The following TPRG1 variants were observed in gnomAD, a reference collection of about 807,000 sequenced individuals.
TPRG1 encodes the protein tumor protein p63-regulated gene 1 protein.
A neutral mutation model predicts 29.3 loss-of-function variants in TPRG1; 29 were observed. That is an observed-to-expected ratio of 0.99 (90% CI 0.74 to 1.35). The LOEUF (loss-of-function observed/expected upper bound fraction) is 1.35, where lower values mean the gene tolerates loss of function less well. Ranked by LOEUF, TPRG1 falls within the 40% of genes most tolerant of loss-of-function variation. The pLI is 0.00. For synonymous variants in TPRG1, 130 were observed against 116.8 expected (o/e 1.11, Z -0.73); for missense variants, 327 against 335.0 (o/e 0.98, Z 0.19).
chr3:189,302,316 G>A (rs1201263559), intron 4 of TPRG1, among the ~76,000 whole-genome samples: 2 of 152,174 alleles, frequency 1.3e-5, no homozygotes, highest in South Asian at 2.1e-4. Flanking sequence ...AACTATGAGA[G>A]ATTGTTCCTT....
chr3:189,001,340 CA>C (rs532936160), intron 2 of TPRG1, among the ~76,000 whole-genome samples: 1 of 152,144 alleles, frequency 6.6e-6, no homozygotes, highest in Non-Finnish European at 1.5e-5. Context: ...GAGCTGCTAA[CA>C]AAATCCCATA....
intron 3 of TPRG1, among the ~76,000 whole-genome samples, chr3:189,233,044 T>A (rs557779445): frequency 6.6e-6 from 1 of 152,278 alleles, no homozygotes; most frequent in South Asian, 2.1e-4. Context: ...TGATTCCTTG[T>A]TAGCCAAGAT....
intron 4 of TPRG1, among the ~76,000 whole-genome samples, chr3:189,068,720 G>T (rs1560425076): frequency 6.6e-6 from 1 of 152,144 alleles, no homozygotes; most frequent in Non-Finnish European, 1.5e-5. Flanking sequence ...AGGTTGCGGT[G>T]AGCCGAGATT....
At chr3:189,134,076 A>G (rs1723428408) in intron 3 of TPRG1, among the ~76,000 whole-genome samples, 1 of 152,022 alleles carries the variant, frequency 6.6e-6, no homozygotes, top group Admixed American at 6.6e-5. Context: ...GTTTCTTTCC[A>G]TTGTATGGTT....
chr3:189,044,149 G>A (rs1214225941), intron 4 of TPRG1, among the ~76,000 whole-genome samples: 4 of 152,030 alleles, frequency 2.6e-5, no homozygotes, highest in African/African-American at 4.8e-5. Flanking sequence ...GAGAGAGAGA[G>A]AAAAGACCTG....
chr3:189,292,292 C>CTTTTTTTT (rs11459415), intron 4 of TPRG1, among the ~76,000 whole-genome samples: 2 of 114,904 alleles, frequency 1.7e-5, no homozygotes, highest in African/African-American at 3.4e-5. Flanking sequence ...GAAGTTTTTG[C>CTTTTTTTT]TTTTTTTTTT....
At chr3:189,015,164 G>A (rs1375322173) in intron 3 of TPRG1, among the ~76,000 whole-genome samples, 1 of 152,204 alleles carries the variant, frequency 6.6e-6, no homozygotes, top group Non-Finnish European at 1.5e-5. Context: ...TGGAGTAAAT[G>A]TTATTCTTGC....
intron 1 of TPRG1, among the ~76,000 whole-genome samples, chr3:189,114,108 T>G (rs1476704613): frequency 6.6e-6 from 1 of 152,132 alleles, no homozygotes; most frequent in Admixed American, 6.5e-5. Flanking sequence ...CCTTATTACA[T>G]GAGGGAGCTT....
At chr3:189,187,919 A>T (rs1183695563) in intron 1 of TPRG1, among the ~76,000 whole-genome samples, 1 of 152,216 alleles carries the variant, frequency 6.6e-6, no homozygotes, top group Non-Finnish European at 1.5e-5. Flanking sequence ...GTAGTGAATA[A>T]TCTTGATATA....
At chr3:189,024,620 C>T (rs1204654849) in intron 4 of TPRG1, among the ~76,000 whole-genome samples, 1 of 152,164 alleles carries the variant, frequency 6.6e-6, no homozygotes, top group African/African-American at 2.4e-5. Flanking sequence ...AGCCTGCAGT[C>T]TGGAACAGAT....
intron 4 of TPRG1, chr3:189,267,486 G>A (rs948345123): frequency 6.6e-6 from 1 of 152,218 alleles, no homozygotes; most frequent in African/African-American, 2.4e-5. Flanking sequence ...AACATATTGT[G>A]AGAGCATAGA....
chr3:189,248,250 T>C (rs1741648074), intron 4 of TPRG1, among the ~76,000 whole-genome samples: 3 of 151,858 alleles, frequency 2.0e-5, no homozygotes, highest in Admixed American at 1.3e-4. Flanking sequence ...TATTAGAAGA[T>C]CACTTAGTTT....
chr3:189,155,745 AAT>A (rs544908811), intron 5 of TPRG1, among the ~76,000 whole-genome samples: 52 of 152,262 alleles, frequency 3.4e-4, no homozygotes, highest in Middle Eastern at 3.2e-3. Context: ...CAGAAAGACA[AAT>A]ACTGCCTGAT....
At chr3:189,164,311 C>T (rs1443325128) in intron 5 of TPRG1, among the ~76,000 whole-genome samples, 1 of 152,018 alleles carries the variant, frequency 6.6e-6, no homozygotes, top group African/African-American at 2.4e-5. Context: ...TACAGGTGCC[C>T]ACCATCATGC....
At chr3:189,201,876 C>G (rs1232211189) in intron 1 of TPRG1, among the ~76,000 whole-genome samples, 1 of 152,104 alleles carries the variant, frequency 6.6e-6, no homozygotes, top group Non-Finnish European at 1.5e-5. Context: ...GTCTTGAACT[C>G]CTGACCTCAG....
intron 4 of TPRG1, among the ~76,000 whole-genome samples, chr3:189,149,031 G>A (rs1369844753): frequency 2.6e-5 from 4 of 152,170 alleles, no homozygotes; most frequent in Non-Finnish European, 4.4e-5. Context: ...CACCAGCTTC[G>A]TCCTATCCCT....
intron 4 of TPRG1, among the ~76,000 whole-genome samples, chr3:189,025,942 C>T (rs992933097): frequency 3.9e-5 from 6 of 152,244 alleles, no homozygotes; most frequent in East Asian, 3.9e-4. Context: ...TGTTATTAAT[C>T]GTGACTTTTT....
intron 4 of TPRG1, among the ~76,000 whole-genome samples, chr3:189,295,820 G>GAATTAA (rs1719821332): frequency 6.6e-6 from 1 of 150,592 alleles, no homozygotes; most frequent in Non-Finnish European, 1.5e-5. Context: ...AATGCAAATA[G>GAATTAA]AATTAATTAG....
At chr3:189,289,974 C>T (rs1245831498) in intron 4 of TPRG1, among the ~76,000 whole-genome samples, 1 of 152,104 alleles carries the variant, frequency 6.6e-6, no homozygotes, top group African/African-American at 2.4e-5. Context: ...TCAGATATTG[C>T]TTTTATGTTA....
Sources: gnomAD v4.1 joint callset for allele counts (sites outside exome capture counted in the v4.1 genomes callset) on GRCh38, gnomAD v4.1.1 for gene constraint, MANE v1.5 for transcripts, NCBI Gene and HGNC (gene_info 2026-07-23, HGNC 2026-07-21) for gene names.